The following SGSM1 variants were observed in gnomAD, a reference collection of about 807,000 sequenced individuals.
The protein encoded by SGSM1 is RUN and TBC1 domain containing 2.
SGSM1 carries 73 observed loss-of-function variants against 133.8 expected under a neutral mutation model. That is an observed-to-expected ratio of 0.55 (90% CI 0.45 to 0.66). The LOEUF (loss-of-function observed/expected upper bound fraction) is 0.66. SGSM1 is among the 30% of genes least tolerant of loss of function. The pLI, the probability that SGSM1 is intolerant of heterozygous loss-of-function variation, is 0.00. For synonymous variants in SGSM1, 563 were observed against 573.0 expected (o/e 0.98, Z 0.25); for missense variants, 1,213 against 1,448.1 (o/e 0.84, Z 2.64).
At chr22:24,884,343 C>G in intron 15 of SGSM1, 145 bp downstream of exon 15, 1 of 1,078,888 alleles carries the variant, frequency 9.3e-7, no homozygotes, top group Non-Finnish European at 1.3e-6. Context: ...TCCCCTTCTC[C>G]TTGAGAGTTC....
In SGSM1 at chr22:24,911,851, G is replaced by A. The variant is rs556050668; in HGVS notation, c.2819-792G>A. On this transcript the variant is annotated intron_variant, in intron 21 of 24. Coordinates refer to ENST00000400358, the MANE Select transcript of SGSM1 (RefSeq NM_001098497.3). ...AGGCAGGTCACAAGGTCAGGAGATCGAGACCATTCTGGCTAACACGGTGAA... is the reference window on the plus strand; with the variant it reads ...AGGCAGGTCACAAGGTCAGGAGATCAAGACCATTCTGGCTAACACGGTGAA... Among the ~76,000 whole-genome samples, 10 of 152,010 alleles carry A rather than the reference G, an allele frequency of 6.6e-5. No homozygotes were observed. In the South Asian group the frequency reaches 1.9e-3, roughly 29 times the overall value.
rs190814993 is a variant in SGSM1, at chr22:24,865,856, C to T, written c.927-1237C>T. ...TTTGGCCAGGTCAGTTGGAAGTCTCCGGTGGACCATTGACTGTTAGAGGAG... is the reference window on the plus strand; with the variant it reads ...TTTGGCCAGGTCAGTTGGAAGTCTCTGGTGGACCATTGACTGTTAGAGGAG... On this transcript the variant is annotated intron_variant, in intron 9 of 24. Transcript: ENST00000400358. Among the ~76,000 whole-genome samples the T allele has an allele frequency of 1.4e-3, 212 of 152,250 alleles. 1 individual carries two copies. The highest frequency in any genetic ancestry group is 4.9e-3 in the African/African-American group (205 of 41,544).
intron 14 of SGSM1, among the ~76,000 whole-genome samples, chr22:24,881,149 C>A (rs1468028828): frequency 1.3e-4 from 18 of 134,406 alleles, no homozygotes; most frequent in Admixed American, 2.3e-4. Context: ...GCCAAGATTG[C>A]GCCACTGCAC....
intron 19 of SGSM1, among the ~76,000 whole-genome samples, chr22:24,899,611 G>A (rs1180686275): frequency 1.3e-5 from 2 of 148,840 alleles, no homozygotes; most frequent in African/African-American, 5.0e-5. Context: ...CAACCTCTGC[G>A]TCCCGAATTC....
At chr22:24,861,952 CTTTCTT>C (rs1353160406) in intron 9 of SGSM1, among the ~76,000 whole-genome samples, 1 of 142,350 alleles carries the variant, frequency 7.0e-6, no homozygotes, top group African/African-American at 2.8e-5. Flanking sequence ...TTCTTTCTTT[CTTTCTT>C]TTTTTTTTTT....
chr22:24,899,338 CA>C (rs1933037967), intron 19 of SGSM1, among the ~76,000 whole-genome samples: 1 of 151,948 alleles, frequency 6.6e-6, no homozygotes, highest in African/African-American at 2.4e-5. Flanking sequence ...GACTTCTCCC[CA>C]AAAGCCTACT....
chr22:24,849,896 G>A (rs773221414), intron 4 of SGSM1, among the ~76,000 whole-genome samples: 3 of 152,216 alleles, frequency 2.0e-5, no homozygotes, highest in Non-Finnish European at 4.4e-5. Context: ...GATTGCTGGA[G>A]AGGTGAGTGG....
At position 24,859,737 on chromosome 22, in the gene SGSM1, C is replaced by A. The variant is rs1194097187; in HGVS notation, c.823C>A (p.Pro275Thr). The A allele has an allele frequency of 1.2e-6, 2 of 1,613,896 alleles. No individual in the cohort carries two copies. Among genetic ancestry groups the A allele is most frequent in the East Asian group, 4.5e-5 (2 of 44,892 alleles). Residue 275 changes from proline (P) to threonine (T), a missense_variant, in exon 9 of 25, where the codon CCA becomes ACA. Physicochemically the swap from Pro to Thr is conservative, Grantham distance 38. Transcript: ENST00000400358. ...VQPRDDMEAV[P>T]GYLSLHQTAD... Reference sequence around the variant, plus strand: ...GCAGAGGGACGACATGGAGGCTGTGCCAGGGTACCTGTCCCTGCACCAGAC... The same window carrying A: ...GCAGAGGGACGACATGGAGGCTGTGACAGGGTACCTGTCCCTGCACCAGAC...
intron 16 of SGSM1, 63 bp from the exon 17 acceptor site, chr22:24,893,368 G>A: frequency 6.3e-7 from 1 of 1,575,536 alleles, no homozygotes; most frequent in Non-Finnish European, 8.6e-7. Context: ...TTCCACGTTG[G>A]TCTGGCCCTC....
Position 24,924,612 on chromosome 22 carries a change from C to T in SGSM1, c.*338C>T, listed in dbSNP as rs1934134316. ...TCCTCTTCTTCTTTCCCTATCCCTC[C>T]AAACTGTCTTGTAAGATGAGACCTG... On this transcript the variant is annotated 3_prime_UTR_variant, in exon 25 of 25. Transcript: ENST00000400358. 3.0e-6 allele frequency: 1 copy of T among 337,764 alleles called. No individual in the cohort carries two copies. The highest frequency in any genetic ancestry group is 5.6e-6 in the Non-Finnish European group (1 of 179,232). The allele number at this position is 337,764 out of a possible 1,614,324, so 20.9% of individuals were successfully genotyped here. A position where few individuals can be genotyped will look rare whatever the true frequency, so the allele number is the denominator to read the frequency against.
At chr22:24,831,474 A>G (rs1333827263) in intron 2 of SGSM1, among the ~76,000 whole-genome samples, 3 of 152,106 alleles carry the variant, frequency 2.0e-5, no homozygotes, top group African/African-American at 7.2e-5. Flanking sequence ...AGGCAATGTC[A>G]TGTCCCCCAT....
At chr22:24,875,681 T>G (rs1931994512) in intron 12 of SGSM1, among the ~76,000 whole-genome samples, 1 of 148,524 alleles carries the variant, frequency 6.7e-6, no homozygotes, top group Admixed American at 6.7e-5. Context: ...AAAAAGAAAA[T>G]AAAGCTTTTG....
chr22:24,890,632 C>T (rs974192656), intron 16 of SGSM1, among the ~76,000 whole-genome samples: 5 of 152,050 alleles, frequency 3.3e-5, no homozygotes, highest in African/African-American at 1.2e-4. Context: ...CCTCCACCTC[C>T]TGGGTTCAAG....
chr22:24,884,576 G>T (rs761204509), intron 15 of SGSM1, among the ~76,000 whole-genome samples: 10 of 152,220 alleles, frequency 6.6e-5, no homozygotes, highest in Non-Finnish European at 1.5e-4. Context: ...GTCAAACACG[G>T]TGAAACCCCA....
intron 15 of SGSM1, among the ~76,000 whole-genome samples, chr22:24,885,847 T>C (rs754990057): frequency 2.0e-5 from 3 of 151,692 alleles, no homozygotes; most frequent in Non-Finnish European, 4.4e-5. Context: ...TGAGTTTGGC[T>C]TTTTCATATG....
intron 21 of SGSM1, among the ~76,000 whole-genome samples, chr22:24,912,067 A>G (rs1233435120): frequency 2.2e-4 from 4 of 18,026 alleles, no homozygotes; most frequent in Non-Finnish European, 4.7e-4. Context: ...AAAAAAAGGA[A>G]AAAAAAAAAA....
At chr22:24,855,122 C>A (rs45503295) in intron 6 of SGSM1, 59 bp downstream of exon 6, 17 of 1,574,174 alleles carry the variant, frequency 1.1e-5, no homozygotes, top group Non-Finnish European at 1.4e-5. Context: ...CTGAGGGGCA[C>A]CTTCTCCAGG....
intron 2 of SGSM1, among the ~76,000 whole-genome samples, chr22:24,807,201 ACC>A (rs1281350941): frequency 1.3e-5 from 2 of 151,444 alleles, no homozygotes; most frequent in Non-Finnish European, 2.9e-5. Context: ...ACCTCCCAGA[ACC>A]CCATAGACAG....
chr22:24,830,863 C>T (rs902126847), intron 2 of SGSM1, among the ~76,000 whole-genome samples: 1 of 152,096 alleles, frequency 6.6e-6, no homozygotes, highest in African/African-American at 2.4e-5. Flanking sequence ...GTGAGCAGCT[C>T]TCCTACTGCA....
Sources: gnomAD v4.1 joint callset for allele counts (sites outside exome capture counted in the v4.1 genomes callset) on GRCh38, gnomAD v4.1.1 for gene constraint, MANE v1.5 for transcripts, NCBI Gene and HGNC (gene_info 2026-07-23, HGNC 2026-07-21) for gene names.